The following GRM7 variants were observed in gnomAD, a reference collection of about 807,000 sequenced individuals.
The protein encoded by GRM7 is metabotropic glutamate receptor 7.
GRM7 carries 35 observed loss-of-function variants against 84.5 expected under a neutral mutation model. That is an observed-to-expected ratio of 0.41 (90% CI 0.32 to 0.55). The LOEUF (loss-of-function observed/expected upper bound fraction) is 0.55. Ranked by LOEUF, GRM7 falls within the 20% of genes least tolerant of loss-of-function variation. The pLI is 0.19. For synonymous variants in GRM7, 487 were observed against 455.1 expected, an observed-to-expected ratio of 1.07 and a Z score of -0.89; for missense variants, 1,003 against 1,194.6, an observed-to-expected ratio of 0.84 and a Z score of 2.36.
rs563524195 is a variant in GRM7, at chr3:7,223,195, A to C, written c.737-75489A>C. Among the ~76,000 whole-genome samples the C allele has an allele frequency of 1.2e-3, 181 of 152,158 alleles. 7 individuals are homozygous for C. In the South Asian group the frequency reaches 0.036, roughly 30 times the overall value. On this transcript the variant is annotated intron_variant, in intron 2 of 9. Transcript: ENST00000357716. The stretch of plus-strand genomic sequence containing the variant: ...GAAAATTTCCTTATATTAGACTTTA[A>C]ATATTTGGTTTCCTTTCATTCTGTT...
intron 4 of GRM7, among the ~76,000 whole-genome samples, chr3:7,391,935 G>T (rs1468246323): frequency 6.6e-6 from 1 of 152,080 alleles, no homozygotes; most frequent in Non-Finnish European, 1.5e-5. Flanking sequence ...ATGGGAAGAG[G>T]CACTACCAAG....
chr3:7,677,088 C>T (rs934198023), intron 8 of GRM7, among the ~76,000 whole-genome samples: 1 of 151,544 alleles, frequency 6.6e-6, no homozygotes, highest in Non-Finnish European at 1.5e-5. Context: ...GGTGAAACCC[C>T]GTCTCTACTA....
intron 9 of GRM7, among the ~76,000 whole-genome samples, chr3:7,731,200 GA>G (rs1163575668): frequency 2.0e-5 from 3 of 151,388 alleles, no homozygotes; most frequent in East Asian, 1.9e-4. Context: ...AAAAGAGGGG[GA>G]AAAAAAGAAT....
intron 1 of GRM7, among the ~76,000 whole-genome samples, chr3:6,981,218 A>G (rs1694186644): frequency 6.6e-6 from 1 of 152,222 alleles, no homozygotes; most frequent in African/African-American, 2.4e-5. Flanking sequence ...AATCATTTAT[A>G]ATTTAGATAT....
At chr3:6,976,419 C>A (rs952959058) in intron 1 of GRM7, among the ~76,000 whole-genome samples, 1 of 152,138 alleles carries the variant, frequency 6.6e-6, no homozygotes, top group Non-Finnish European at 1.5e-5. Context: ...GAAAAAGAAA[C>A]CTGTCTGTAA....
intron 8 of GRM7, among the ~76,000 whole-genome samples, chr3:7,630,279 A>G (rs920937314): frequency 3.3e-5 from 5 of 151,798 alleles, no homozygotes; most frequent in East Asian, 1.9e-4. Flanking sequence ...TGCCCATTCT[A>G]TTAAGCTAAG....
intron 1 of GRM7, among the ~76,000 whole-genome samples, chr3:6,923,934 C>A (rs1697213950): frequency 1.3e-5 from 2 of 152,204 alleles, no homozygotes. Flanking sequence ...TTCTTCTGTT[C>A]ACTCATGACA....
chr3:6,998,213 T>G (rs908780060), intron 1 of GRM7, among the ~76,000 whole-genome samples: 18 of 147,926 alleles, frequency 1.2e-4, no homozygotes, highest in African/African-American at 4.5e-4. Context: ...ATGGGAGAAA[T>G]TGACCAAAAC....
chr3:7,172,965 ATGTG>A (rs540604684), intron 2 of GRM7, among the ~76,000 whole-genome samples: 10 of 151,872 alleles, frequency 6.6e-5, no homozygotes, highest in Admixed American at 2.0e-4. Flanking sequence ...TATTATATGT[ATGTG>A]TATGTGTATA....
intron 4 of GRM7, among the ~76,000 whole-genome samples, chr3:7,365,680 C>T (rs1247533594): frequency 4.1e-5 from 6 of 144,992 alleles, no homozygotes; most frequent in African/African-American, 1.6e-4. Flanking sequence ...CACGCACACA[C>T]ACACACATAT....
intron 1 of GRM7, chr3:6,892,806 C>G (rs1014718506): frequency 6.6e-6 from 1 of 152,188 alleles, no homozygotes; most frequent in African/African-American, 2.4e-5. Flanking sequence ...CCCTCAATGT[C>G]TTTGTTACTT....
At chr3:7,358,944 C>A (rs112104613) in intron 4 of GRM7, among the ~76,000 whole-genome samples, 1 of 144,770 alleles carries the variant, frequency 6.9e-6, no homozygotes, top group Admixed American at 6.9e-5. Flanking sequence ...ATGGTGAAAC[C>A]CTGTCTCTAC....
chr3:7,328,626 G>A (rs753114073), intron 4 of GRM7, among the ~76,000 whole-genome samples: 1 of 152,126 alleles, frequency 6.6e-6, no homozygotes, highest in African/African-American at 2.4e-5. Flanking sequence ...TAACTGTTGA[G>A]CCTCAGTGCC....
chr3:7,269,941 T>C (rs1031578765), intron 2 of GRM7, among the ~76,000 whole-genome samples: 2 of 152,214 alleles, frequency 1.3e-5, no homozygotes, highest in African/African-American at 4.8e-5. Flanking sequence ...CCTAATCTTT[T>C]GTGTTTTAAT....
chr3:6,976,021 T>G (rs768986091), intron 1 of GRM7, among the ~76,000 whole-genome samples: 5 of 152,138 alleles, frequency 3.3e-5, no homozygotes, highest in Admixed American at 6.5e-5. Flanking sequence ...ATTCTACAAT[T>G]TGGATTTCTA....
intron 1 of GRM7, among the ~76,000 whole-genome samples, chr3:6,995,266 C>T (rs1183105872): frequency 2.0e-5 from 3 of 152,212 alleles, no homozygotes; most frequent in Non-Finnish European, 2.9e-5. Flanking sequence ...TTGTAGGCAA[C>T]ATGATCTCTA....
intron 2 of GRM7, among the ~76,000 whole-genome samples, chr3:7,180,824 C>A (rs1342543258): frequency 6.6e-6 from 1 of 152,108 alleles, no homozygotes; most frequent in Non-Finnish European, 1.5e-5. Context: ...CATTGTATTC[C>A]TTTTGTTCCT....
chr3:7,459,116 G>A (rs1698137159), intron 6 of GRM7, among the ~76,000 whole-genome samples: 1 of 152,118 alleles, frequency 6.6e-6, no homozygotes, highest in Admixed American at 6.6e-5. Flanking sequence ...TGTGGTCTAT[G>A]GGGGTAGTGT....
intron 4 of GRM7, among the ~76,000 whole-genome samples, chr3:7,324,423 CT>C (rs1700904067): frequency 6.6e-6 from 1 of 152,200 alleles, no homozygotes; most frequent in Non-Finnish European, 1.5e-5. Flanking sequence ...AGAATTCTGA[CT>C]TTTCCCTGGA....
Sources: gnomAD v4.1 joint callset for allele counts (sites outside exome capture counted in the v4.1 genomes callset) on GRCh38, gnomAD v4.1.1 for gene constraint, MANE v1.5 for transcripts, NCBI Gene and HGNC (gene_info 2026-07-23, HGNC 2026-07-21) for gene names.